The following ITGA9 variants were observed in gnomAD, a reference collection of about 807,000 sequenced individuals.
The protein encoded by ITGA9 is integrin subunit alpha 9.
A neutral mutation model predicts 127.8 loss-of-function variants in ITGA9; 56 were observed. The observed-to-expected ratio is 0.44, with a 90% CI of 0.35 to 0.55. The LOEUF (loss-of-function observed/expected upper bound fraction) is 0.55, where lower values mean the gene tolerates loss of function less well. Among genes scored for constraint, ITGA9 ranks in the 20% least tolerant of loss-of-function variants. The probability of loss-of-function intolerance (pLI) is 0.00; values close to 1 mark genes in which losing one functional copy is unlikely to be tolerated. For missense variants in ITGA9, 1,196 were observed against 1,347.1 expected, an observed-to-expected ratio of 0.89 and a Z score of 1.76; for synonymous variants, 508 against 514.5, an observed-to-expected ratio of 0.99 and a Z score of 0.17.
chr3:37,728,169 A>G (rs1159808906), intron 18 of ITGA9, among the ~76,000 whole-genome samples: 3 of 152,162 alleles, frequency 2.0e-5, no homozygotes, highest in Non-Finnish European at 1.5e-5. Context: ...AGTGTAGGCA[A>G]TGATTGGAAC....
chr3:37,741,664 A>G (rs1283252366), intron 20 of ITGA9, 66 bp from the exon 21 acceptor site: 2 of 1,251,316 alleles, frequency 1.6e-6, no homozygotes, highest in Non-Finnish European at 2.3e-6. Flanking sequence ...AAAGTGGAAC[A>G]GAGAAAGCCC....
intron 27 of ITGA9, among the ~76,000 whole-genome samples, chr3:37,811,820 G>T (rs1484786577): frequency 1.2e-4 from 19 of 152,218 alleles, no homozygotes; most frequent in Admixed American, 1.2e-3. Flanking sequence ...AAAGAGACAG[G>T]CTGCAGAATG....
At chr3:37,593,414 G>C (rs899243512) in intron 15 of ITGA9, among the ~76,000 whole-genome samples, 1 of 152,152 alleles carries the variant, frequency 6.6e-6, no homozygotes, top group East Asian at 1.9e-4. Flanking sequence ...CCATAAATTG[G>C]GTGGGTTACA....
intron 5 of ITGA9, among the ~76,000 whole-genome samples, chr3:37,497,760 A>G (rs955209708): frequency 1.3e-5 from 2 of 152,108 alleles, no homozygotes; most frequent in East Asian, 3.9e-4. Flanking sequence ...TGTTCCTCCA[A>G]CAGGCCTGTC....
At chr3:37,539,706 C>T (rs111893014) in intron 14 of ITGA9, among the ~76,000 whole-genome samples, 1 of 152,182 alleles carries the variant, frequency 6.6e-6, no homozygotes, top group African/African-American at 2.4e-5. Context: ...TAGATTGGTG[C>T]TTGACCAGAT....
chr3:37,526,011 A>T lies in ITGA9; in HGVS notation c.1328-15A>T, dbSNP rs1166609542. 1 of 1,613,442 alleles carries T rather than the reference A, an allele frequency of 6.2e-7. No homozygotes were observed. The highest frequency in any genetic ancestry group is 1.7e-5 in the Admixed American group (1 of 60,012). On this transcript the variant is annotated splice_polypyrimidine_tract_variant and intron_variant, in intron 12 of 27. Coordinates refer to ENST00000264741, the MANE Select transcript of ITGA9 (RefSeq NM_002207.3). The stretch of plus-strand genomic sequence containing the variant: ...TTCAGCAAGTTTCTGAACGCTGTAA[A>T]CTTCTCATTTTCAGATGTCACTGTT...
At chr3:37,505,053 G>A (rs995526783) in intron 6 of ITGA9, among the ~76,000 whole-genome samples, 2 of 151,916 alleles carry the variant, frequency 1.3e-5, no homozygotes, top group Admixed American at 1.3e-4. Flanking sequence ...TTTTTTCACT[G>A]ACCACCCTCC....
At chr3:37,654,386 A>G (rs891748458) in intron 17 of ITGA9, among the ~76,000 whole-genome samples, 16 of 152,218 alleles carry the variant, frequency 1.1e-4, no homozygotes, top group African/African-American at 3.9e-4. Flanking sequence ...TGAACCGTAC[A>G]GCGGCCTTCT....
At chr3:37,661,822 G>T (rs1700539801) in intron 17 of ITGA9, among the ~76,000 whole-genome samples, 1 of 152,202 alleles carries the variant, frequency 6.6e-6, no homozygotes, top group South Asian at 2.1e-4. Context: ...GTGCTAGGTG[G>T]GTTACTCCAG....
chr3:37,772,248 A>C (rs2125547765), intron 23 of ITGA9, among the ~76,000 whole-genome samples: 1 of 152,142 alleles, frequency 6.6e-6, no homozygotes, highest in African/African-American at 2.4e-5. Context: ...TCTACTAAAA[A>C]TCCAAAAAGC....
chr3:37,758,470 TTATTAA>T (rs1696683030), intron 23 of ITGA9, among the ~76,000 whole-genome samples: 1 of 151,090 alleles, frequency 6.6e-6, no homozygotes, highest in Admixed American at 6.6e-5. Flanking sequence ...TTATATATTA[TTATTAA>T]TAATAAAAGG....
chr3:37,700,978 G>C (rs1366077553), intron 18 of ITGA9, among the ~76,000 whole-genome samples: 1 of 152,206 alleles, frequency 6.6e-6, no homozygotes, highest in Non-Finnish European at 1.5e-5. Flanking sequence ...GCATCTTGCT[G>C]TATGGGATCA....
At chr3:37,766,650 A>G (rs1423101733) in intron 23 of ITGA9, among the ~76,000 whole-genome samples, 2 of 152,240 alleles carry the variant, frequency 1.3e-5, no homozygotes, top group Admixed American at 6.5e-5. Context: ...AGATGGGTCC[A>G]AGAGCTAGAA....
intron 13 of ITGA9, among the ~76,000 whole-genome samples, chr3:37,526,455 C>T (rs1699094270): frequency 6.6e-6 from 1 of 152,228 alleles, no homozygotes; most frequent in South Asian, 2.1e-4. Context: ...CTGGGAAGCA[C>T]TGTTCATTCT....
chr3:37,517,591 G>T lies in ITGA9; in HGVS notation c.1123G>T (p.Asp375Tyr). Residue 375 changes from aspartate (D) to tyrosine (Y), a missense_variant, in exon 10 of 28, where the codon GAC becomes TAC. Coordinates refer to ENST00000264741, the MANE Select transcript of ITGA9 (RefSeq NM_002207.3). ...GAGCATTGCCAGCCTGGACGATCTGGACAATGATGGGTTCCCAGGTGAGTG... is the reference window on the plus strand; with the variant it reads ...GAGCATTGCCAGCCTGGACGATCTGTACAATGATGGGTTCCCAGGTGAGTG... ...GESIASLDDL[D>Y]NDGFPDVAIG... 1 of 1,584,866 alleles carries T rather than the reference G, an allele frequency of 6.3e-7. No individual in the cohort carries two copies. Among genetic ancestry groups the T allele is most frequent in the Non-Finnish European group, 8.6e-7 (1 of 1,164,786 alleles).
intron 15 of ITGA9, among the ~76,000 whole-genome samples, chr3:37,611,146 C>G (rs1327103271): frequency 6.6e-6 from 1 of 152,098 alleles, no homozygotes; most frequent in Non-Finnish European, 1.5e-5. Flanking sequence ...GAATGGTGGT[C>G]TCAAAATGCA....
At chr3:37,724,301 C>G (rs1575209222) in intron 18 of ITGA9, among the ~76,000 whole-genome samples, 1 of 152,184 alleles carries the variant, frequency 6.6e-6, no homozygotes, top group Non-Finnish European at 1.5e-5. Flanking sequence ...CTTATCCTTT[C>G]AAGACCTACC....
At chr3:37,529,440 G>C (rs1699126895) in intron 13 of ITGA9, among the ~76,000 whole-genome samples, 1 of 152,124 alleles carries the variant, frequency 6.6e-6, no homozygotes, top group South Asian at 2.1e-4. Context: ...CTAGAGAAGT[G>C]ATGGGGCAAA....
At chr3:37,472,475 T>G (rs145507935) in intron 2 of ITGA9, among the ~76,000 whole-genome samples, 66 of 152,314 alleles carry the variant, frequency 4.3e-4, no homozygotes, top group Middle Eastern at 3.4e-3. Flanking sequence ...CTCTGCTCAC[T>G]GCAACCTCTG....
Sources: allele counts gnomAD v4.1 joint callset (sites outside exome capture counted in the v4.1 genomes callset), GRCh38; gene constraint gnomAD v4.1.1; transcripts MANE v1.5; gene names NCBI Gene and HGNC (gene_info 2026-07-23, HGNC 2026-07-21).